Variants in CDK1 observed in about 807,000 individuals in gnomAD.
CDK1 encodes cyclin-dependent kinase 1.
In CDK1, 5 loss-of-function variants were observed where a neutral mutation model predicts 34.6. That is an observed-to-expected ratio of 0.14 (90% confidence interval 0.08 to 0.30). CDK1 has a LOEUF of 0.30. CDK1 is among the 10% of genes least tolerant of loss of function. CDK1 has a pLI of 1.00. For synonymous variants in CDK1, 108 were observed against 114.7 expected, an observed-to-expected ratio of 0.94 and a Z score of 0.37; for missense variants, 157 against 345.7, an observed-to-expected ratio of 0.45 and a Z score of 4.33.
intron 2 of CDK1, among the ~76,000 whole-genome samples, chr10:60,782,978 G>C (rs1021339701): frequency 6.6e-6 from 1 of 152,058 alleles, no homozygotes; most frequent in Non-Finnish European, 1.5e-5. Context: ...TTGTACACTT[G>C]AGGGAGAAGA....
rs116168241 is a variant in CDK1 at position 60,786,787 on chromosome 10, T to C, written c.318+1000T>C. On this transcript the variant is annotated intron_variant, in intron 4 of 7. Coordinates refer to ENST00000395284, the MANE Select transcript of CDK1 (RefSeq NM_001786.5). ...ATTAAGATTGTTTTAATTTTATATTTCATGACAATTTAACACTTCATATTT... is the reference window on the plus strand; with the variant it reads ...ATTAAGATTGTTTTAATTTTATATTCCATGACAATTTAACACTTCATATTT... 130 of 760,244 alleles carry C rather than the reference T, an allele frequency of 1.7e-4. No homozygotes were observed. In the African/African-American group the frequency reaches 2.0e-3, roughly 12 times the overall value. The allele number at this position is 760,244 out of a possible 1,614,324, so 47.1% of individuals were successfully genotyped here.
At chr10:60,788,253 A>G in intron 5 of CDK1, 23 bp downstream of exon 5, 1 of 1,496,348 alleles carries the variant, frequency 6.7e-7, no homozygotes, top group Non-Finnish European at 9.0e-7. Context: ...GTGGTTTTTG[A>G]TGGCTTTTGA....
rs1223648988 is a variant in CDK1 at position 60,794,011 on chromosome 10, A to G, written c.*36A>G. 1.0e-6 allele frequency: 1 copy of G among 959,724 alleles called. No homozygotes were observed. The highest frequency in any genetic ancestry group is 1.6e-6 in the Non-Finnish European group (1 of 633,186). 59.5% of individuals were successfully genotyped at this position (959,724 alleles called of 1,614,324 possible). A position where few individuals can be genotyped will look rare whatever the true frequency, so the allele number is the denominator to read the frequency against. ...AAAAGTTTCCATATGTTATATCAACAGATAGTTGTGTTTTTATTGTTAACT... is the reference window on the plus strand; with the variant it reads ...AAAAGTTTCCATATGTTATATCAACGGATAGTTGTGTTTTTATTGTTAACT... On this transcript the variant is annotated 3_prime_UTR_variant, in exon 8 of 8. Coordinates refer to ENST00000395284, the MANE Select transcript of CDK1 (RefSeq NM_001786.5).
intron 4 of CDK1, chr10:60,786,923 C>G: frequency 2.0e-6 from 2 of 982,232 alleles, no homozygotes. Flanking sequence ...ACTCAAAGAT[C>G]GAATGTATTA....
intron 6 of CDK1, 26 bp downstream of exon 6, chr10:60,792,079 A>G (rs1564674521): frequency 5.0e-6 from 8 of 1,602,290 alleles, no homozygotes; most frequent in Non-Finnish European, 6.8e-6. Context: ...TGAGATAATA[A>G]AGGTAACATA....
intron 5 of CDK1, among the ~76,000 whole-genome samples, chr10:60,791,409 T>A (rs769110245): frequency 6.6e-6 from 1 of 151,324 alleles, no homozygotes; most frequent in Non-Finnish European, 1.5e-5. Context: ...TGGTGGAGTC[T>A]TTTAAGTTTT....
rs2132075406 is a variant in CDK1, at chr10:60,791,892, A to G, written c.492A>G (p.Val164=). The change falls in exon 6 of 8, where the codon GTA becomes GTG. Residue 164 remains valine, a splice_region_variant and synonymous_variant. Coordinates refer to ENST00000395284, the MANE Select transcript of CDK1 (RefSeq NM_001786.5). ...TGTAAAAATTTGCTTTTTAATAGGT[A>G]GTAACACTCTGGTACAGATCTCCAG... is the stretch of plus-strand genomic sequence containing the variant. ...GIPIRVYTHE[V]VTLWYRSPEV... 2 of 1,599,802 alleles carry G rather than the reference A, an allele frequency of 1.3e-6. No homozygotes were observed.
At chr10:60,779,098 G>A (rs566130073) in intron 1 of CDK1, among the ~76,000 whole-genome samples, 48 of 152,344 alleles carry the variant, frequency 3.2e-4, no homozygotes, top group African/African-American at 1.0e-3. Context: ...CTCTGCCCAC[G>A]GCCCCGGCCC....
At chr10:60,784,633 G>GAAA in intron 2 of CDK1, 72 bp from the exon 3 acceptor site, 2 of 1,038,008 alleles carry the variant, frequency 1.9e-6, no homozygotes, top group Non-Finnish European at 2.7e-6. Flanking sequence ...CTGCCATAAG[G>GAAA]AAAAAAAAAA....
chr10:60,779,775 G>A (rs1384077481), intron 1 of CDK1, among the ~76,000 whole-genome samples: 1 of 152,086 alleles, frequency 6.6e-6, no homozygotes. Context: ...TGAAATATTT[G>A]GGTATAACTT....
chr10:60,781,616 C>T (rs2080273786), intron 2 of CDK1, among the ~76,000 whole-genome samples: 1 of 152,188 alleles, frequency 6.6e-6, no homozygotes. Context: ...ACCATCTCTT[C>T]ACCAGCTCCA....
chr10:60,786,022 A>G (rs1269841310), intron 4 of CDK1: 8 of 1,112,656 alleles, frequency 7.2e-6, no homozygotes, highest in Non-Finnish European at 8.8e-6. Context: ...ACTGGTAGGT[A>G]TTGTTGGAAG....
intron 5 of CDK1, among the ~76,000 whole-genome samples, chr10:60,789,544 A>G (rs1323699532): frequency 6.6e-6 from 1 of 151,922 alleles, no homozygotes; most frequent in Non-Finnish European, 1.5e-5. Context: ...ACAGAATTTC[A>G]TTCTTTTTTT....
chr10:60,787,397 C>T (rs72811868), intron 4 of CDK1, among the ~76,000 whole-genome samples: 75 of 152,066 alleles, frequency 4.9e-4, no homozygotes, highest in Admixed American at 1.6e-3. Context: ...ATGGATCATC[C>T]GTTTTGTTTT....
In CDK1 at chr10:60,784,872, A is replaced by G. The variant is rs1490725882; in HGVS notation, c.194+11A>G. Reference sequence around the variant, plus strand: ...TCCAAATATAGTCAGGTATGTTGTAATATCTGAATGTAAGCCATTTTCTGC... The same window carrying G: ...TCCAAATATAGTCAGGTATGTTGTAGTATCTGAATGTAAGCCATTTTCTGC... On this transcript the variant is annotated intron_variant, in intron 3 of 7. Transcript: ENST00000395284. The G allele has an allele frequency of 1.9e-6, 3 of 1,607,076 alleles. No individual in the cohort carries two copies. Among genetic ancestry groups the G allele is most frequent in the Admixed American group, 1.7e-5 (1 of 59,002 alleles).
chr10:60,786,876 G>A, intron 4 of CDK1: 1 of 978,808 alleles, frequency 1.0e-6, no homozygotes, highest in Non-Finnish European at 1.2e-6. Context: ...CATGACTTTT[G>A]GACTTTCTGC....
At chr10:60,780,927 G>A (rs1015287692) in intron 2 of CDK1, among the ~76,000 whole-genome samples, 2 of 152,116 alleles carry the variant, frequency 1.3e-5, no homozygotes, top group Non-Finnish European at 2.9e-5. Flanking sequence ...TTTTTAATGT[G>A]ATCAAAGACC....
At chr10:60,785,293 A>G (rs2080306252) in intron 3 of CDK1, among the ~76,000 whole-genome samples, 1 of 152,194 alleles carries the variant, frequency 6.6e-6, no homozygotes, top group Non-Finnish European at 1.5e-5. Context: ...AGTCCAAGTT[A>G]AAATCTAATT....
chr10:60,794,052 C>A lies in CDK1; in HGVS notation c.*77C>A. Reference sequence around the variant, plus strand: ...ATTGTTAACTCTTGTCTATTTTTGTCTTATATATATTTCTTTGTTATCAAA... The same window carrying A: ...ATTGTTAACTCTTGTCTATTTTTGTATTATATATATTTCTTTGTTATCAAA... On this transcript the variant is annotated 3_prime_UTR_variant, in exon 8 of 8. Transcript: ENST00000395284. 2 of 720,640 alleles carry A rather than the reference C, an allele frequency of 2.8e-6. No individual in the cohort carries two copies. The highest frequency in any genetic ancestry group is 3.6e-4 in the Middle Eastern group (1 of 2,814). 44.6% of individuals were successfully genotyped at this position (720,640 alleles called of 1,614,324 possible). A position where few individuals can be genotyped will look rare whatever the true frequency, so the allele number is the denominator to read the frequency against.
Sources: gnomAD v4.1 joint callset for allele counts (sites outside exome capture counted in the v4.1 genomes callset) on GRCh38, gnomAD v4.1.1 for gene constraint, MANE v1.5 for transcripts, NCBI Gene and HGNC (gene_info 2026-07-23, HGNC 2026-07-21) for gene names.